Variants in PDE1A observed in about 807,000 individuals in gnomAD.
PDE1A encodes phosphodiesterase 1A, also known as dual specificity calcium/calmodulin-dependent 3',5'-cyclic nucleotide phosphodiesterase 1A.
PDE1A carries 35 observed loss-of-function variants against 61.7 expected under a neutral mutation model. The ratio of observed to expected loss-of-function variants is 0.57; its 90% CI spans 0.43 to 0.75. PDE1A has a LOEUF of 0.75. Ranked by LOEUF, PDE1A falls within the 30% of genes least tolerant of loss-of-function variation. The pLI, the probability that PDE1A is intolerant of heterozygous loss-of-function variation, is 0.00. For synonymous variants in PDE1A, 232 were observed against 213.2 expected, an observed-to-expected ratio of 1.09 and a Z score of -0.77; for missense variants, 597 against 630.6, an observed-to-expected ratio of 0.95 and a Z score of 0.57.
At chr2:182,688,287 G>A in the PDE1A span, among the ~76,000 whole-genome samples, 10 of 152,264 alleles carry the variant, frequency 6.6e-5, no homozygotes, top group Middle Eastern at 6.8e-3. Context: ...AGAAAGATCC[G>A]GTTACCCACA....
intron 1 of PDE1A, among the ~76,000 whole-genome samples, chr2:182,361,923 G>A (rs1316074357): frequency 6.6e-6 from 1 of 151,998 alleles, no homozygotes; most frequent in East Asian, 1.9e-4. Flanking sequence ...GGACATAGCA[G>A]TGGCCAAGCC....
the PDE1A span, among the ~76,000 whole-genome samples, chr2:182,673,080 AG>A: frequency 6.6e-6 from 1 of 152,240 alleles, no homozygotes; most frequent in Non-Finnish European, 1.5e-5. Context: ...CAACAGAAAA[AG>A]GGTCCTCACA....
the PDE1A span, among the ~76,000 whole-genome samples, chr2:182,690,102 T>C: frequency 3.3e-5 from 5 of 152,074 alleles, no homozygotes; most frequent in Non-Finnish European, 7.4e-5. Context: ...ACCAGAGGTA[T>C]AAGGAGGAGC....
chr2:182,571,534 A>G, the PDE1A span, among the ~76,000 whole-genome samples: 1 of 152,150 alleles, frequency 6.6e-6, no homozygotes, highest in African/African-American at 2.4e-5. Context: ...TCTCTACATC[A>G]TTGTTAAAAT....
chr2:182,461,621 A>G (rs1224440513), intron 2 of PDE1A, among the ~76,000 whole-genome samples: 2 of 152,142 alleles, frequency 1.3e-5, no homozygotes, highest in African/African-American at 4.8e-5. Flanking sequence ...ATTCCCCTGT[A>G]ACAGCGTCCT....
chr2:182,428,179 T>A (rs905124911), upstream of PDE1A, among the ~76,000 whole-genome samples: 5 of 152,166 alleles, frequency 3.3e-5, no homozygotes, highest in African/African-American at 4.8e-5. Context: ...TAGTCCTAGT[T>A]CTATTGCAAA....
chr2:182,185,017 TTG>T (rs1477454746), intron 13 of PDE1A, among the ~76,000 whole-genome samples: 2 of 152,214 alleles, frequency 1.3e-5, no homozygotes, highest in East Asian at 3.8e-4. Flanking sequence ...CGTTTCAATA[TTG>T]TGTCTTTCTG....
chr2:182,273,303 C>T (rs759879132), intron 1 of PDE1A, among the ~76,000 whole-genome samples: 6 of 151,876 alleles, frequency 4.0e-5, no homozygotes, highest in South Asian at 4.1e-4. Flanking sequence ...CTGACCATGA[C>T]AAATTTAAAA....
chr2:182,439,273 G>A (rs973023142), intron 2 of PDE1A, among the ~76,000 whole-genome samples: 1 of 151,790 alleles, frequency 6.6e-6, no homozygotes, highest in Non-Finnish European at 1.5e-5. Context: ...GGTGCAGGGG[G>A]GTAGTGTGAT....
At chr2:182,208,646 T>G (rs1029953437) in intron 7 of PDE1A, among the ~76,000 whole-genome samples, 1 of 152,140 alleles carries the variant, frequency 6.6e-6, no homozygotes, top group Non-Finnish European at 1.5e-5. Context: ...AAAGCAGCCA[T>G]GGGGGCTGTA....
intron 1 of PDE1A, among the ~76,000 whole-genome samples, chr2:182,406,011 T>C (rs774626236): frequency 5.3e-5 from 8 of 152,110 alleles, no homozygotes; most frequent in Admixed American, 1.3e-4. Context: ...CCATCTTAGG[T>C]CAAAGAAATT....
chr2:182,381,727 G>A lies in PDE1A; in HGVS notation c.53+44851C>T, dbSNP rs527453797. 5.9e-5 allele frequency among the ~76,000 whole-genome samples: 9 copies of A among 152,030 alleles called. No individual in the cohort carries two copies. The East Asian group carries it at 7.7e-4, about 13-fold the overall frequency. ...CTCAGGAGGCTGAGGCGGGAGAATC[G>A]CTTGAACCCAGGAGGCAGAGGTTGC... On this transcript the variant is annotated intron_variant, in intron 1 of 13. Transcript: ENST00000351439.
chr2:182,172,161 A>T (rs1179409083), intron 13 of PDE1A, among the ~76,000 whole-genome samples: 2 of 152,042 alleles, frequency 1.3e-5, no homozygotes, highest in African/African-American at 4.8e-5. Flanking sequence ...ACTACAAAAT[A>T]GTGGGTAATA....
the PDE1A span, among the ~76,000 whole-genome samples, chr2:182,603,144 T>C: frequency 6.6e-6 from 1 of 152,230 alleles, no homozygotes; most frequent in African/African-American, 2.4e-5. Flanking sequence ...GTTCATAGAA[T>C]GACAAAAGTC....
rs550677917 is a variant in PDE1A, at chr2:182,274,301, A to G, written c.54-9887T>C. Among the ~76,000 whole-genome samples the G allele has an allele frequency of 5.1e-4, 78 of 152,286 alleles. 1 individual carries two copies. The highest frequency in any genetic ancestry group is 1.7e-3 in the African/African-American group (71 of 41,584). On this transcript the variant is annotated intron_variant, in intron 1 of 13. Coordinates refer to ENST00000351439, the Ensembl canonical transcript of PDE1A. ...ATGTACCGACACACTTCAAAAATGC[A>G]CTAGCAGAGAAGAAAATCTTTTAAA...
chr2:182,393,330 C>G (rs1034204529), intron 1 of PDE1A, among the ~76,000 whole-genome samples: 1 of 152,088 alleles, frequency 6.6e-6, no homozygotes, highest in African/African-American at 2.4e-5. Context: ...ATGCAGGGCA[C>G]CAAGTCCCTA....
At chr2:182,438,730 G>A (rs1684601694) in intron 2 of PDE1A, among the ~76,000 whole-genome samples, 1 of 151,950 alleles carries the variant, frequency 6.6e-6, no homozygotes, top group Non-Finnish European at 1.5e-5. Context: ...AATTACAGGA[G>A]ACGAATCTGA....
intron 1 of PDE1A, among the ~76,000 whole-genome samples, chr2:182,367,535 T>C (rs1699903992): frequency 6.6e-6 from 1 of 152,084 alleles, no homozygotes; most frequent in Non-Finnish European, 1.5e-5. Flanking sequence ...ATAAAATGTC[T>C]AGTGGAACAA....
intron 1 of PDE1A, among the ~76,000 whole-genome samples, chr2:182,386,076 A>C (rs1701057810): frequency 1.3e-5 from 2 of 152,074 alleles, no homozygotes; most frequent in Non-Finnish European, 1.5e-5. Flanking sequence ...GCTGGTCCTA[A>C]CCGCGAGTGA....
Sources: allele counts gnomAD v4.1 joint callset (sites outside exome capture counted in the v4.1 genomes callset), GRCh38; gene constraint gnomAD v4.1.1; transcripts MANE v1.5; gene names NCBI Gene and HGNC (gene_info 2026-07-23, HGNC 2026-07-21).